The following LEMD1 variants were observed in gnomAD, a reference collection of about 807,000 sequenced individuals.
LEMD1 encodes LEM domain containing 1.
A neutral mutation model predicts 17.4 loss-of-function variants in LEMD1; 18 were observed. The ratio of observed to expected loss-of-function variants is 1.04; its 90% CI spans 0.72 to 1.54. The LOEUF is 1.54. Among genes scored for constraint, LEMD1 ranks in the 40% most tolerant of loss-of-function variants. The pLI is 0.00. For missense variants in LEMD1, 195 were observed against 210.4 expected, an observed-to-expected ratio of 0.93 and a Z score of 0.45; for synonymous variants, 88 against 77.8, an observed-to-expected ratio of 1.13 and a Z score of -0.69.
At chr1:205,402,420 T>A (rs1664895048) in intron 4 of LEMD1, among the ~76,000 whole-genome samples, 1 of 152,226 alleles carries the variant, frequency 6.6e-6, no homozygotes, top group South Asian at 2.1e-4. Context: ...GTCCTTCACA[T>A]CCCTTGTAAG....
At chr1:205,387,842 C>T (rs1157685049) in intron 4 of LEMD1, among the ~76,000 whole-genome samples, 1 of 152,208 alleles carries the variant, frequency 6.6e-6, no homozygotes, top group Non-Finnish European at 1.5e-5. Context: ...TATGCCAATA[C>T]AACAAACTGT....
chr1:205,428,050 G>A (rs1666080068), intron 1 of LEMD1, among the ~76,000 whole-genome samples: 1 of 152,246 alleles, frequency 6.6e-6, no homozygotes. Flanking sequence ...GGGCCAGACA[G>A]CCAAGGGCCT....
At chr1:205,425,819 A>T (rs979868679), upstream of LEMD1, among the ~76,000 whole-genome samples, 2 of 152,262 alleles carry the variant, frequency 1.3e-5, no homozygotes, top group Non-Finnish European at 2.9e-5. Context: ...TAAACATAAT[A>T]GCAAATATGC....
chr1:205,419,850 A>T (rs563394862), intron 2 of LEMD1, among the ~76,000 whole-genome samples: 1 of 152,310 alleles, frequency 6.6e-6, no homozygotes, highest in South Asian at 2.1e-4. Flanking sequence ...ACCTGTATGG[A>T]TTAACCACAG....
chr1:205,440,100 A>G (rs1359019453), intron 1 of LEMD1, among the ~76,000 whole-genome samples: 1 of 152,026 alleles, frequency 6.6e-6, no homozygotes, highest in Non-Finnish European at 1.5e-5. Flanking sequence ...GGGAGACAGG[A>G]GAATCAAGGG....
upstream of LEMD1, among the ~76,000 whole-genome samples, chr1:205,424,014 G>A (rs952889992): frequency 4.6e-5 from 7 of 152,196 alleles, no homozygotes; most frequent in South Asian, 2.1e-4. Context: ...CAGGTTTGAC[G>A]TGGGGCACAA....
At chr1:205,399,058 T>C (rs1398111594) in intron 4 of LEMD1, among the ~76,000 whole-genome samples, 1 of 151,898 alleles carries the variant, frequency 6.6e-6, no homozygotes. Context: ...CTACTAAAAA[T>C]ACAAAAATTA....
intron 3 of LEMD1, among the ~76,000 whole-genome samples, chr1:205,417,181 A>G (rs961037247): frequency 1.3e-5 from 2 of 152,234 alleles, no homozygotes; most frequent in Non-Finnish European, 2.9e-5. Flanking sequence ...TACTTGTGGC[A>G]ACCACAGAAT....
chr1:205,415,223 A>T (rs1665637009), intron 4 of LEMD1, among the ~76,000 whole-genome samples: 1 of 152,210 alleles, frequency 6.6e-6, no homozygotes, highest in African/African-American at 2.4e-5. Context: ...AATGTTCATG[A>T]AGTTAGGTAA....
chr1:205,417,244 G>A (rs548912767), intron 3 of LEMD1, among the ~76,000 whole-genome samples: 4 of 152,322 alleles, frequency 2.6e-5, no homozygotes, highest in South Asian at 2.1e-4. Flanking sequence ...CTGATGGCCC[G>A]TAGTTGGCTT....
intron 3 of LEMD1, among the ~76,000 whole-genome samples, chr1:205,417,719 C>T (rs1262253293): frequency 6.6e-6 from 1 of 151,964 alleles, no homozygotes; most frequent in East Asian, 1.9e-4. Context: ...ATCTGTGCCG[C>T]CTCCAATGTC....
chr1:205,411,295 C>T (rs1665400924), intron 4 of LEMD1, among the ~76,000 whole-genome samples: 1 of 150,498 alleles, frequency 6.6e-6, no homozygotes, highest in African/African-American at 2.4e-5. Flanking sequence ...GGGCCAGGCG[C>T]AGTGGCTCAC....
intron 1 of LEMD1, among the ~76,000 whole-genome samples, chr1:205,429,340 T>C (rs1420975020): frequency 6.6e-6 from 1 of 152,228 alleles, no homozygotes; most frequent in East Asian, 1.9e-4. Flanking sequence ...TTTCAAAGGC[T>C]GATCTTATCA....
Position 205,437,364 on chromosome 1 carries a change from G to C in LEMD1, c.-39+12504C>G, listed in dbSNP as rs12023620. 6.6e-3 allele frequency: 1,001 copies of C among 152,576 alleles called. 23 individuals carry two copies. In the East Asian group the frequency reaches 0.095, roughly 14 times the overall value. The allele number at this position is 152,576 out of a possible 1,614,324, so 9.5% of individuals were successfully genotyped here. A position where few individuals can be genotyped will look rare whatever the true frequency, so the allele number is the denominator to read the frequency against. ...TATGTGACAGAGAGAAAGTGAGAAC[G>C]TACATAAGAGTGGCGCCTGTGATGG... On this transcript the variant is annotated intron_variant, in intron 1 of 3. Coordinates refer to the LEMD1 transcript ENST00000367154.
intron 5 of LEMD1, among the ~76,000 whole-genome samples, chr1:205,383,619 CTTTTTTT>C (rs147921976): frequency 7.0e-6 from 1 of 142,342 alleles, no homozygotes; most frequent in African/African-American, 2.6e-5. Flanking sequence ...TATTTATATC[CTTTTTTT>C]TTTTTCTTTT....
At chr1:205,446,247 G>C (rs1408336131) in intron 1 of LEMD1, among the ~76,000 whole-genome samples, 3 of 152,210 alleles carry the variant, frequency 2.0e-5, no homozygotes, top group African/African-American at 7.2e-5. Flanking sequence ...ACAAAGAATA[G>C]AATGGAGATC....
intron 1 of LEMD1, among the ~76,000 whole-genome samples, chr1:205,445,275 A>T (rs995322761): frequency 3.9e-5 from 6 of 152,114 alleles, no homozygotes; most frequent in Non-Finnish European, 2.9e-5. Context: ...TGGGAACTGT[A>T]GTCTACAAGA....
intron 3 of LEMD1, among the ~76,000 whole-genome samples, chr1:205,417,549 T>TGAACACAATCTACAACCAGGAGAG (rs1478569329): frequency 6.6e-6 from 1 of 152,170 alleles, no homozygotes; most frequent in East Asian, 1.9e-4. Context: ...GACAGGACTC[T>TGAACACAATCTACAACCAGGAGAG]GAACACAATC....
At chr1:205,392,761 G>C (rs911975946) in intron 4 of LEMD1, among the ~76,000 whole-genome samples, 4 of 152,110 alleles carry the variant, frequency 2.6e-5, no homozygotes, top group African/African-American at 9.7e-5. Context: ...GTCCCTAAAG[G>C]AGAGAAGAAT....
Sources: allele counts gnomAD v4.1 joint callset (sites outside exome capture counted in the v4.1 genomes callset), GRCh38; gene constraint gnomAD v4.1.1; transcripts MANE v1.5; gene names NCBI Gene and HGNC (gene_info 2026-07-23, HGNC 2026-07-21).